TRAM2: variants seen among roughly 807,000 people sequenced by gnomAD.
TRAM2 encodes translocation associated membrane protein 2.
In TRAM2, 12 loss-of-function variants were observed where a neutral mutation model predicts 51.0. That is an observed-to-expected ratio of 0.24 (90% CI 0.15 to 0.38). TRAM2 has a LOEUF of 0.38. Among genes scored for constraint, TRAM2 ranks in the 10% least tolerant of loss-of-function variants. The pLI is 1.00. For synonymous variants in TRAM2, 175 were observed against 179.4 expected, an observed-to-expected ratio of 0.98 and a Z score of 0.20; for missense variants, 361 against 462.0, an observed-to-expected ratio of 0.78 and a Z score of 2.00.
At chr6:52,552,623 G>A (rs1183361524) in intron 1 of TRAM2, among the ~76,000 whole-genome samples, 1 of 152,144 alleles carries the variant, frequency 6.6e-6, no homozygotes, top group African/African-American at 2.4e-5. Context: ...ATGCTTCTGT[G>A]ACACGGCTTC....
intron 2 of TRAM2, among the ~76,000 whole-genome samples, chr6:52,525,365 C>A (rs1332029196): frequency 6.6e-6 from 1 of 152,264 alleles, no homozygotes; most frequent in Non-Finnish European, 1.5e-5. Context: ...TCCCCACTCT[C>A]CAGGCTGCTG....
chr6:52,505,849 T>G, intron 8 of TRAM2, 107 bp from the exon 9 acceptor site: 1 of 1,479,108 alleles, frequency 6.8e-7, no homozygotes, highest in Non-Finnish European at 9.1e-7. Flanking sequence ...CAAGGGTGGC[T>G]GGGGAAAGTG....
Position 52,552,197 on chromosome 6 carries a change from AGCGAGATTCCAG to A in TRAM2, c.121-16363_121-16352del, listed in dbSNP as rs1478847067. On this transcript the variant is annotated intron_variant, in intron 1 of 10. Transcript: ENST00000182527. ...CATCCTGGCTTCCAGCCTTAAAGAG[AGCGAGATTCCAG>A]GCTCCTCCCCCATGCAAAGCCCAGG... Among the ~76,000 whole-genome samples the A allele has an allele frequency of 2.6e-5, 4 of 152,344 alleles. No individual in the cohort carries two copies. The South Asian group carries it at 8.3e-4, about 32-fold the overall frequency.
intron 1 of TRAM2, among the ~76,000 whole-genome samples, chr6:52,556,463 GTA>G (rs1767408222): frequency 6.6e-6 from 1 of 151,954 alleles, no homozygotes; most frequent in Non-Finnish European, 1.5e-5. Flanking sequence ...TGTATTTTTA[GTA>G]GAGATGGGGT....
chr6:52,509,973 T>C (rs1293206403), intron 4 of TRAM2, among the ~76,000 whole-genome samples: 6 of 152,238 alleles, frequency 3.9e-5, no homozygotes, highest in African/African-American at 1.4e-4. Context: ...GGATAGTTTA[T>C]GTGCCAGTGT....
At chr6:52,535,395 G>A (rs2114086114) in intron 2 of TRAM2, among the ~76,000 whole-genome samples, 1 of 152,310 alleles carries the variant, frequency 6.6e-6, no homozygotes, top group African/African-American at 2.4e-5. Context: ...TAAAAAGATT[G>A]TACACAGCTA....
chr6:52,576,653 G>T, intron 1 of TRAM2, 143 bp downstream of exon 1: 1 of 1,157,100 alleles, frequency 8.6e-7, no homozygotes, highest in Non-Finnish European at 1.2e-6. Flanking sequence ...GAGGGGTACA[G>T]TGCACAAAGC....
At chr6:52,532,861 T>C (rs1267166096) in intron 2 of TRAM2, among the ~76,000 whole-genome samples, 1 of 152,218 alleles carries the variant, frequency 6.6e-6, no homozygotes, top group African/African-American at 2.4e-5. Context: ...TTTAGTTTTT[T>C]TCTGGGTGAT....
intron 1 of TRAM2, among the ~76,000 whole-genome samples, chr6:52,571,857 T>C (rs546073832): frequency 8.2e-4 from 125 of 152,328 alleles, no homozygotes; most frequent in African/African-American, 2.7e-3. Flanking sequence ...TCAGTACCAA[T>C]AGTCATCCGT....
chr6:52,575,843 T>C (rs980824215), intron 1 of TRAM2, among the ~76,000 whole-genome samples: 2 of 152,218 alleles, frequency 1.3e-5, no homozygotes, highest in South Asian at 2.1e-4. Flanking sequence ...AGACAAGATA[T>C]ACCGCAACAA....
intron 1 of TRAM2, among the ~76,000 whole-genome samples, chr6:52,561,258 GA>G (rs762689051): frequency 2.6e-5 from 4 of 152,162 alleles, no homozygotes; most frequent in Non-Finnish European, 4.4e-5. Flanking sequence ...GGAGCAATGG[GA>G]AATGAATGCG....
chr6:52,570,800 C>CA (rs1414477480), intron 1 of TRAM2, among the ~76,000 whole-genome samples: 10 of 115,884 alleles, frequency 8.6e-5, no homozygotes, highest in East Asian at 4.8e-4. Flanking sequence ...CCACCACCCC[C>CA]CCCCCCACAC....
chr6:52,569,181 G>C (rs1767637291), intron 1 of TRAM2, among the ~76,000 whole-genome samples: 1 of 152,124 alleles, frequency 6.6e-6, no homozygotes. Flanking sequence ...GATCACCTGA[G>C]GTCAGGAGTT....
intron 10 of TRAM2, 86 bp from the exon 11 acceptor site, chr6:52,503,356 G>A: frequency 7.9e-7 from 1 of 1,261,976 alleles, no homozygotes; most frequent in Non-Finnish European, 1.2e-6. Context: ...GCCAAGGAAG[G>A]GGCCCGGGCA....
At chr6:52,522,008 TA>T (rs1766686044) in intron 2 of TRAM2, among the ~76,000 whole-genome samples, 2 of 152,214 alleles carry the variant, frequency 1.3e-5, no homozygotes. Context: ...CCAGGTGTCT[TA>T]AGATAGCTGC....
intron 1 of TRAM2, among the ~76,000 whole-genome samples, chr6:52,571,528 C>T (rs942613689): frequency 2.6e-5 from 4 of 152,196 alleles, no homozygotes; most frequent in Non-Finnish European, 4.4e-5. Context: ...AGGGCAGTCT[C>T]CCTGTGGTTT....
chr6:52,576,739 G>A lies in TRAM2; in HGVS notation c.120+57C>T, dbSNP rs902530377. ...GCCCGCTGACCTGCAGGGGTGTGCCGGGCGGTGCACGACAGGGGGCACTGT... is the reference window on the plus strand; with the variant it reads ...GCCCGCTGACCTGCAGGGGTGTGCCAGGCGGTGCACGACAGGGGGCACTGT... On this transcript the variant is annotated intron_variant, in intron 1 of 10. Transcript: ENST00000182527. The A allele has an allele frequency of 1.0e-5, 16 of 1,586,552 alleles. No homozygotes were observed. The African/African-American group carries it at 1.1e-4, about 11-fold the overall frequency.
chr6:52,522,981 G>C, intron 2 of TRAM2: 2 of 696,058 alleles, frequency 2.9e-6, no homozygotes, highest in Non-Finnish European at 5.2e-6. Flanking sequence ...AACCTGAGCT[G>C]GTGTCCACTT....
At chr6:52,559,175 ACTT>A (rs1767456884) in intron 1 of TRAM2, among the ~76,000 whole-genome samples, 1 of 152,152 alleles carries the variant, frequency 6.6e-6, no homozygotes, top group African/African-American at 2.4e-5. Flanking sequence ...AGTTCTGCAC[ACTT>A]CTCTGGCCCA....
Sources: gnomAD v4.1 joint callset for allele counts (sites outside exome capture counted in the v4.1 genomes callset) on GRCh38, gnomAD v4.1.1 for gene constraint, MANE v1.5 for transcripts, NCBI Gene and HGNC (gene_info 2026-07-23, HGNC 2026-07-21) for gene names.